Variants in TMEM181 observed in about 807,000 individuals in gnomAD.
TMEM181 encodes transmembrane protein 181, also known as G protein-coupled receptor 178.
In TMEM181, 39 loss-of-function variants were observed where a neutral mutation model predicts 71.9. The ratio of observed to expected loss-of-function variants is 0.54; its 90% confidence interval spans 0.42 to 0.71. TMEM181 has a LOEUF of 0.71. Among genes scored for constraint, TMEM181 ranks in the 30% least tolerant of loss-of-function variants. The pLI is 0.00. For missense variants in TMEM181, 595 were observed against 583.0 expected (o/e 1.02, Z -0.21); for synonymous variants, 245 against 228.8 (o/e 1.07, Z -0.64).
chr6:158,596,047 G>C (rs1437921473), intron 6 of TMEM181, among the ~76,000 whole-genome samples: 4 of 151,888 alleles, frequency 2.6e-5, no homozygotes, highest in African/African-American at 7.3e-5. Context: ...TCAGCCTCCC[G>C]AGTAGCTGGG....
In TMEM181 at chr6:158,612,611, C is replaced by T. The variant is rs563190352; in HGVS notation, c.896+3861C>T. Among the ~76,000 whole-genome samples, 10 of 152,342 alleles carry T rather than the reference C, an allele frequency of 6.6e-5. No homozygotes were observed. The East Asian group carries it at 1.3e-3, about 21-fold the overall frequency. The stretch of plus-strand genomic sequence containing the variant: ...TAATTCATTTGGTTGTTTTGGTATT[C>T]GCTTAGCATTTTAGCCCTTTGTTTG... On this transcript the variant is annotated intron_variant, in intron 10 of 16. Coordinates refer to ENST00000684151, the MANE Select transcript of TMEM181 (RefSeq NM_001376852.1).
chr6:158,563,326 T>C (rs1239524552), intron 1 of TMEM181, among the ~76,000 whole-genome samples: 2 of 152,178 alleles, frequency 1.3e-5, no homozygotes, highest in Non-Finnish European at 2.9e-5. Context: ...GTATTTTTAG[T>C]AGAGTCAGGG....
At chr6:158,563,855 C>T (rs896815064) in intron 1 of TMEM181, among the ~76,000 whole-genome samples, 3 of 152,164 alleles carry the variant, frequency 2.0e-5, no homozygotes, top group Non-Finnish European at 4.4e-5. Flanking sequence ...GATCTCAGCT[C>T]ACTGCAACCT....
In TMEM181 at chr6:158,626,926, A is replaced by G. The variant is rs537830490; in HGVS notation, c.1109+1172A>G. ...CTCACACACCCTCACCCTCATTCTC[A>G]CCCTCATTCTCACCCTCACCCTCAC... On this transcript the variant is annotated intron_variant, in intron 13 of 16. Coordinates refer to ENST00000684151, the MANE Select transcript of TMEM181 (RefSeq NM_001376852.1). Among the ~76,000 whole-genome samples the G allele has an allele frequency of 4.0e-3, 279 of 69,896 alleles. 2 individuals are homozygous for G. The highest frequency in any genetic ancestry group is 0.019 in the African/African-American group (262 of 13,592). The allele number at this position is 69,896 out of a possible 152,430, so 45.9% of individuals were successfully genotyped here.
At chr6:158,618,419 A>C (rs1300017446) in intron 10 of TMEM181, among the ~76,000 whole-genome samples, 1 of 152,202 alleles carries the variant, frequency 6.6e-6, no homozygotes, top group Admixed American at 6.5e-5. Context: ...TGAATACATC[A>C]TACTGATGGG....
intron 2 of TMEM181, among the ~76,000 whole-genome samples, chr6:158,580,080 C>T (rs1413400659): frequency 1.3e-5 from 2 of 152,146 alleles, no homozygotes; most frequent in African/African-American, 2.4e-5. Flanking sequence ...CCTGTAATCC[C>T]GGCACTTTGG....
chr6:158,540,211 G>A (rs532376842), intron 1 of TMEM181, among the ~76,000 whole-genome samples: 5 of 150,898 alleles, frequency 3.3e-5, no homozygotes, highest in Non-Finnish European at 5.9e-5. Flanking sequence ...TTGAATCTCC[G>A]TATCTACACC....
Position 158,616,577 on chromosome 6 carries a change from A to G in TMEM181, c.897-6973A>G, listed in dbSNP as rs559090039. Among the ~76,000 whole-genome samples, 380 of 152,300 alleles carry G rather than the reference A, an allele frequency of 2.5e-3. 3 individuals carry two copies. Among genetic ancestry groups the G allele is most frequent in the Non-Finnish European group, 3.1e-3 (213 of 68,028 alleles). On this transcript the variant is annotated intron_variant, in intron 10 of 16. Transcript: ENST00000684151. Reference sequence around the variant, plus strand: ...TGTCTTGTGCCAGTTTTCAAAGGGAATGCTTCCAGTTTTTGCCCATTCAGT... The same window carrying G: ...TGTCTTGTGCCAGTTTTCAAAGGGAGTGCTTCCAGTTTTTGCCCATTCAGT...
intron 2 of TMEM181, among the ~76,000 whole-genome samples, chr6:158,580,606 T>C (rs1562633171): frequency 6.6e-6 from 1 of 152,078 alleles, no homozygotes; most frequent in Admixed American, 6.6e-5. Flanking sequence ...TAAGACAGAG[T>C]CTCTATAGTT....
In TMEM181 at chr6:158,608,750, C is replaced by T; in HGVS notation, c.896C>T (p.Thr299Ile). The change falls in exon 10 of 17, where the codon ACA becomes ATA. Residue 299 changes from threonine (T) to isoleucine (I), a missense_variant and splice_region_variant. By Grantham distance (89) the Thr-to-Ile change is moderately conservative. Transcript: ENST00000684151. ...TCTGTTACGCTAGGAATATGGCAAA[C>T]GTGAGTAATTCTATTATGTGTGAAA... Reference protein sequence around the residue: ...LASVTLGIWQTVNELHDPMYQ... With the variant: ...LASVTLGIWQIVNELHDPMYQ... 10 of 1,609,780 alleles carry T rather than the reference C, an allele frequency of 6.2e-6. No homozygotes were observed. The highest frequency in any genetic ancestry group is 7.6e-6 in the Non-Finnish European group (9 of 1,178,710).
intron 13 of TMEM181, 37 bp from the exon 14 acceptor site, chr6:158,628,370 AT>A: frequency 6.2e-7 from 1 of 1,603,780 alleles, no homozygotes; most frequent in Non-Finnish European, 8.5e-7. Flanking sequence ...GTTTTCGTGC[AT>A]GTTTACATAT....
intron 1 of TMEM181, among the ~76,000 whole-genome samples, chr6:158,546,572 C>T (rs1424481024): frequency 6.6e-6 from 1 of 152,208 alleles, no homozygotes; most frequent in Admixed American, 6.5e-5. Context: ...GGCATGGATT[C>T]CATGGGTTCA....
chr6:158,634,332 C>G lies in TMEM181; in HGVS notation c.*2444C>G, dbSNP rs1786820120. 1 of 152,160 alleles carries G rather than the reference C, an allele frequency of 6.6e-6. No homozygotes were observed. The highest frequency in any genetic ancestry group is 2.1e-4 in the South Asian group (1 of 4,832). 9.4% of individuals were successfully genotyped at this position (152,160 alleles called of 1,614,324 possible). On this transcript the variant is annotated 3_prime_UTR_variant, in exon 17 of 17. Transcript: ENST00000684151. ...GTACCATAGGTATCAGGTTAAAACA[C>G]TAAAGTCTGCCAGAAACTTTTGACA...
intron 1 of TMEM181, among the ~76,000 whole-genome samples, chr6:158,563,597 G>C (rs1319533041): frequency 6.6e-6 from 1 of 152,238 alleles, no homozygotes; most frequent in African/African-American, 2.4e-5. Context: ...CTGAAATGGG[G>C]CTCACTGGCC....
chr6:158,538,716 G>A (rs979964687), intron 1 of TMEM181, among the ~76,000 whole-genome samples: 2 of 152,210 alleles, frequency 1.3e-5, no homozygotes, highest in African/African-American at 2.4e-5. Context: ...AATAAACCAA[G>A]TGACATGAGA....
intron 3 of TMEM181, among the ~76,000 whole-genome samples, chr6:158,582,683 A>G (rs1395477244): frequency 6.6e-6 from 1 of 151,786 alleles, no homozygotes; most frequent in Non-Finnish European, 1.5e-5. Context: ...AAAAAAAAAG[A>G]AAAAACCCAT....
In TMEM181 at chr6:158,625,188, C is replaced by T. The variant is rs776605163; in HGVS notation, c.1039C>T (p.Arg347Cys). Residue 347 changes from arginine to cysteine, a missense_variant, in exon 12 of 17, where the codon CGT becomes TGT. By Grantham distance (180) the Arg-to-Cys change is radical (BLOSUM62 -3). Coordinates refer to ENST00000684151, the MANE Select transcript of TMEM181 (RefSeq NM_001376852.1). The stretch of plus-strand genomic sequence containing the variant: ...GATAGTGCGGGCGTGTTCCGAGCTA[C>T]GTCACATGCCTTATGTGGGTAAGTG... The part of the protein sequence containing the change: ...FLIVRACSEL[R>C]HMPYVDLRLK... 4.3e-6 allele frequency: 7 copies of T among 1,614,100 alleles called. No individual in the cohort carries two copies. Among genetic ancestry groups the T allele is most frequent in the Middle Eastern group, 1.7e-4 (1 of 6,056 alleles).
intron 10 of TMEM181, among the ~76,000 whole-genome samples, chr6:158,616,111 C>G (rs1785597150): frequency 6.6e-6 from 1 of 152,168 alleles, no homozygotes; most frequent in Admixed American, 6.5e-5. Context: ...TCTTCCTATC[C>G]ATGAGCATGG....
At chr6:158,603,033 C>T (rs567703597) in intron 6 of TMEM181, among the ~76,000 whole-genome samples, 4 of 152,268 alleles carry the variant, frequency 2.6e-5, no homozygotes, top group East Asian at 1.9e-4. Context: ...TTTTCTCTCA[C>T]GGTGCTTCTT....
Sources: allele counts gnomAD v4.1 joint callset (sites outside exome capture counted in the v4.1 genomes callset), GRCh38; gene constraint gnomAD v4.1.1; transcripts MANE v1.5; gene names NCBI Gene and HGNC (gene_info 2026-07-23, HGNC 2026-07-21).